Variants in TAFA1 observed in about 807,000 individuals in gnomAD.
TAFA1 encodes the protein TAFA chemokine like family member 1.
In TAFA1, 4 loss-of-function variants were observed where a neutral mutation model predicts 18.5. The observed-to-expected ratio is 0.22, with a 90% confidence interval of 0.11 to 0.49. The LOEUF (loss-of-function observed/expected upper bound fraction) is 0.49. TAFA1 is among the 20% of genes least tolerant of loss of function. The pLI is 0.98. For missense variants in TAFA1, 147 were observed against 169.0 expected (o/e 0.87, Z 0.72); for synonymous variants, 56 against 55.2 (o/e 1.01, Z -0.06).
chr3:68,522,957 T>A (rs1476869822), intron 3 of TAFA1, among the ~76,000 whole-genome samples: 1 of 152,192 alleles, frequency 6.6e-6, no homozygotes, highest in African/African-American at 2.4e-5. Flanking sequence ...GCACCTGTGA[T>A]CTCAGCTACT....
At chr3:68,497,575 T>A (rs183314271) in intron 3 of TAFA1, among the ~76,000 whole-genome samples, 18 of 152,160 alleles carry the variant, frequency 1.2e-4, no homozygotes, top group African/African-American at 4.3e-4. Context: ...CCTGAGCAAA[T>A]GTCCTAAGCT....
At position 68,420,716 on chromosome 3, in the gene TAFA1, A is replaced by G. The variant is rs566379953; in HGVS notation, c.259+3296A>G. Among the ~76,000 whole-genome samples the G allele has an allele frequency of 1.7e-3, 253 of 152,260 alleles. 1 individual carries two copies. Among genetic ancestry groups the G allele is most frequent in the Middle Eastern group, 3.4e-3 (1 of 294 alleles). On this transcript the variant is annotated intron_variant, in intron 3 of 4. Coordinates refer to ENST00000478136, the MANE Select transcript of TAFA1 (RefSeq NM_213609.4). ...CCATGAATCCTATTGAACATCCTGC[A>G]ATGCCCAGGACAACCCCTGCGCCCC...
chr3:68,145,156 T>C, intron 2 of TAFA1: 8 of 840,976 alleles, frequency 9.5e-6, no homozygotes, highest in Non-Finnish European at 1.5e-5. Context: ...ATGACATGAA[T>C]AATGCAAGAT....
chr3:68,483,340 A>G (rs1010827322), intron 3 of TAFA1, among the ~76,000 whole-genome samples: 1 of 152,218 alleles, frequency 6.6e-6, no homozygotes, highest in Non-Finnish European at 1.5e-5. Context: ...CTCTCGTAGC[A>G]GGGAATTAAT....
At chr3:68,341,259 T>C (rs1213747406) in intron 2 of TAFA1, among the ~76,000 whole-genome samples, 1 of 152,146 alleles carries the variant, frequency 6.6e-6, no homozygotes, top group Non-Finnish European at 1.5e-5. Context: ...TAGGGAGTAC[T>C]GGTTGGTCGG....
chr3:68,469,580 G>A (rs2106943784), intron 3 of TAFA1, among the ~76,000 whole-genome samples: 1 of 152,286 alleles, frequency 6.6e-6, no homozygotes, highest in Non-Finnish European at 1.5e-5. Flanking sequence ...GGCTGAGGCA[G>A]GAGAATGGCG....
intron 2 of TAFA1, among the ~76,000 whole-genome samples, chr3:68,097,231 C>T (rs2065096520): frequency 1.3e-5 from 2 of 152,230 alleles, no homozygotes; most frequent in South Asian, 4.1e-4. Context: ...ATTACAGAAT[C>T]TCAGCTTCAT....
At chr3:68,298,094 C>T (rs921955997) in intron 2 of TAFA1, among the ~76,000 whole-genome samples, 1 of 152,098 alleles carries the variant, frequency 6.6e-6, no homozygotes, top group Non-Finnish European at 1.5e-5. Context: ...CTTTTTCATC[C>T]ATTAGGCAGA....
chr3:68,015,713 A>G (rs989699643), intron 2 of TAFA1, among the ~76,000 whole-genome samples: 4 of 152,216 alleles, frequency 2.6e-5, no homozygotes, highest in Non-Finnish European at 5.9e-5. Flanking sequence ...AAGTTCTCCA[A>G]ATCTAGTCTG....
At chr3:68,089,443 A>G (rs1312677973) in intron 2 of TAFA1, among the ~76,000 whole-genome samples, 2 of 152,214 alleles carry the variant, frequency 1.3e-5, no homozygotes, top group Non-Finnish European at 2.9e-5. Flanking sequence ...AATAAACATG[A>G]ACACTCTTTA....
At chr3:68,428,886 T>G (rs1378664510) in intron 3 of TAFA1, among the ~76,000 whole-genome samples, 1 of 151,966 alleles carries the variant, frequency 6.6e-6, no homozygotes, top group African/African-American at 2.4e-5. Context: ...TGCACTAATT[T>G]TGCTTTATGC....
At chr3:68,039,672 C>A (rs765868631) in intron 2 of TAFA1, among the ~76,000 whole-genome samples, 1 of 152,028 alleles carries the variant, frequency 6.6e-6, no homozygotes, top group Non-Finnish European at 1.5e-5. Context: ...GACCTTGAAA[C>A]AAGGATTTGA....
At chr3:68,472,645 T>G (rs923647305) in intron 3 of TAFA1, among the ~76,000 whole-genome samples, 9 of 152,070 alleles carry the variant, frequency 5.9e-5, no homozygotes, top group Admixed American at 2.0e-4. Flanking sequence ...TTTAGCAAAA[T>G]GTTATGGAAA....
rs192158578 is a variant in TAFA1 at position 68,389,674 on chromosome 3, T to C, written c.119-27606T>C. Among the ~76,000 whole-genome samples, 300 of 152,028 alleles carry C rather than the reference T, an allele frequency of 2.0e-3. 2 individuals carry two copies. The highest frequency in any genetic ancestry group is 0.018 in the Admixed American group (274 of 15,266). On this transcript the variant is annotated intron_variant, in intron 2 of 4. Transcript: ENST00000478136. The stretch of plus-strand genomic sequence containing the variant: ...TAACTGAGGTACCTGGCTGATCTCA[T>C]TGGGACTGGTTAGACAGTGGGCGCA...
At position 68,447,642 on chromosome 3, in the gene TAFA1, A is replaced by G. The variant is rs567522497; in HGVS notation, c.259+30222A>G. ...TAGTTGAAAATTTTAAAAAATATAC[A>G]TTTGCACAGAGTAGTGTAACTAAAA... On this transcript the variant is annotated intron_variant, in intron 3 of 4. Transcript: ENST00000478136. Among the ~76,000 whole-genome samples, 170 of 152,304 alleles carry G rather than the reference A, an allele frequency of 1.1e-3. 1 individual carries two copies. Among genetic ancestry groups the G allele is most frequent in the African/African-American group, 3.8e-3 (158 of 41,570 alleles).
chr3:68,084,855 G>A (rs2064952177), intron 2 of TAFA1, among the ~76,000 whole-genome samples: 3 of 151,114 alleles, frequency 2.0e-5, no homozygotes, highest in East Asian at 3.9e-4. Context: ...ATACTTCAGT[G>A]GGAATCGGCT....
At chr3:68,145,801 G>A (rs2065732687) in intron 2 of TAFA1, among the ~76,000 whole-genome samples, 1 of 152,188 alleles carries the variant, frequency 6.6e-6, no homozygotes, top group Non-Finnish European at 1.5e-5. Context: ...TAGGCCCTAT[G>A]AAGTACACAA....
chr3:68,068,719 T>C (rs1044929236), intron 2 of TAFA1, among the ~76,000 whole-genome samples: 1 of 152,212 alleles, frequency 6.6e-6, no homozygotes, highest in African/African-American at 2.4e-5. Context: ...GTAGCGTGGT[T>C]TGTCATCTCT....
At chr3:68,417,501 G>T (rs922300550) in intron 3 of TAFA1, 81 bp downstream of exon 3, 3 of 1,340,508 alleles carry the variant, frequency 2.2e-6, no homozygotes, top group South Asian at 3.0e-5. Flanking sequence ...ATCTAATATG[G>T]TTCCAGATAA....
Sources: gnomAD v4.1 joint callset for allele counts (sites outside exome capture counted in the v4.1 genomes callset) on GRCh38, gnomAD v4.1.1 for gene constraint, MANE v1.5 for transcripts, NCBI Gene and HGNC (gene_info 2026-07-23, HGNC 2026-07-21) for gene names.